Variants in PDE4B observed in about 807,000 individuals in gnomAD.
PDE4B encodes the protein phosphodiesterase 4B, also known as 3',5'-cyclic-AMP phosphodiesterase 4B.
Under a neutral mutation model 82.2 loss-of-function variants are expected in PDE4B, and 20 were observed. The ratio of observed to expected loss-of-function variants is 0.24; its 90% CI spans 0.17 to 0.35. PDE4B has a LOEUF of 0.35. Among genes scored for constraint, PDE4B ranks in the 10% least tolerant of loss-of-function variants. The probability of loss-of-function intolerance (pLI) is 1.00; values close to 1 mark genes in which losing one functional copy is unlikely to be tolerated. For synonymous variants in PDE4B, 320 were observed against 318.9 expected (o/e 1.00, Z -0.04); for missense variants, 655 against 907.2 (o/e 0.72, Z 3.57).
At chr1:66,157,753 C>T (rs147557464) in intron 3 of PDE4B, among the ~76,000 whole-genome samples, 53 of 152,264 alleles carry the variant, frequency 3.5e-4, no homozygotes, top group African/African-American at 1.2e-3. Flanking sequence ...GTATTCCCAA[C>T]ATCTAGAACA....
intron 1 of PDE4B, among the ~76,000 whole-genome samples, chr1:65,836,256 C>G (rs909014762): frequency 2.8e-4 from 42 of 152,134 alleles, no homozygotes; most frequent in African/African-American, 1.0e-3. Context: ...TAGCTCTGCT[C>G]TCTTTAGATG....
chr1:66,199,620 A>G (rs556664983), intron 3 of PDE4B, among the ~76,000 whole-genome samples: 1 of 152,278 alleles, frequency 6.6e-6, no homozygotes, highest in East Asian at 1.9e-4. Flanking sequence ...TTTCAGGTGC[A>G]GAAAATGTGG....
chr1:65,998,232 A>G (rs933432395), intron 3 of PDE4B, among the ~76,000 whole-genome samples: 1 of 152,186 alleles, frequency 6.6e-6, no homozygotes, highest in African/African-American at 2.4e-5. Flanking sequence ...TTACACAGAA[A>G]ATAAACAGCT....
chr1:65,995,368 A>G (rs2503188), intron 3 of PDE4B, among the ~76,000 whole-genome samples: 14,468 of 152,216 alleles, frequency 0.095, 848 homozygotes, highest in Admixed American at 0.18. Flanking sequence ...TAGAAAATAG[A>G]CATGTATCTT....
chr1:66,134,048 A>G (rs1646005760), intron 3 of PDE4B, among the ~76,000 whole-genome samples: 2 of 152,120 alleles, frequency 1.3e-5, no homozygotes. Flanking sequence ...AACTGGAAAA[A>G]AAAAAAAAAG....
At chr1:65,813,904 A>C (rs1570963407) in intron 1 of PDE4B, among the ~76,000 whole-genome samples, 1 of 152,064 alleles carries the variant, frequency 6.6e-6, no homozygotes, top group East Asian at 1.9e-4. Flanking sequence ...AAAAAAAAAA[A>C]AAAAAAAAAC....
chr1:66,225,933 G>A (rs576116448), intron 3 of PDE4B, among the ~76,000 whole-genome samples: 1 of 152,304 alleles, frequency 6.6e-6, no homozygotes, highest in East Asian at 1.9e-4. Flanking sequence ...TATTTCTTCT[G>A]TTGGTGCAAA....
intron 8 of PDE4B, among the ~76,000 whole-genome samples, chr1:66,340,600 T>C (rs775441479): frequency 3.9e-5 from 6 of 152,184 alleles, no homozygotes; most frequent in Non-Finnish European, 7.3e-5. Context: ...AAAATAATTA[T>C]AATTTTTTAA....
intron 7 of PDE4B, among the ~76,000 whole-genome samples, chr1:66,268,026 T>A (rs932951159): frequency 6.6e-6 from 1 of 152,228 alleles, no homozygotes; most frequent in Admixed American, 6.5e-5. Flanking sequence ...GATAGTAAGA[T>A]CAGGTTTTTA....
At chr1:66,001,744 A>G (rs1243711577) in intron 3 of PDE4B, among the ~76,000 whole-genome samples, 1 of 151,986 alleles carries the variant, frequency 6.6e-6, no homozygotes, top group Admixed American at 6.6e-5. Flanking sequence ...TTTTTTTGAC[A>G]TGGAATCTTG....
chr1:65,826,273 T>G (rs534136030), intron 1 of PDE4B, among the ~76,000 whole-genome samples: 28 of 152,196 alleles, frequency 1.8e-4, no homozygotes, highest in Non-Finnish European at 3.7e-4. Flanking sequence ...TCATTGGACT[T>G]AAAGCATAGA....
chr1:66,330,199 T>G (rs1281724497), intron 7 of PDE4B, among the ~76,000 whole-genome samples: 1 of 152,254 alleles, frequency 6.6e-6, no homozygotes, highest in East Asian at 1.9e-4. Context: ...TATTAATTTT[T>G]GCTTAAACAT....
At chr1:66,355,715 T>C in intron 9 of PDE4B, 95 bp downstream of exon 9, 1 of 623,404 alleles carries the variant, frequency 1.6e-6, no homozygotes, top group Admixed American at 2.9e-5. Flanking sequence ...GAATTTGGGA[T>C]GGAGTTGAGT....
At chr1:65,928,152 C>T (rs771706551) in intron 3 of PDE4B, among the ~76,000 whole-genome samples, 2 of 150,424 alleles carry the variant, frequency 1.3e-5, no homozygotes, top group Non-Finnish European at 3.0e-5. Flanking sequence ...ATTCACTGCT[C>T]AAATTGTCGA....
chr1:66,024,123 C>T (rs746423629), intron 3 of PDE4B, among the ~76,000 whole-genome samples: 40 of 152,074 alleles, frequency 2.6e-4, no homozygotes, highest in Non-Finnish European at 4.9e-4. Context: ...ACTGTCCATA[C>T]AAGTATCCTC....
chr1:65,837,415 G>T (rs1646152365), intron 1 of PDE4B, among the ~76,000 whole-genome samples: 1 of 151,926 alleles, frequency 6.6e-6, no homozygotes, highest in Non-Finnish European at 1.5e-5. Flanking sequence ...CTACTAAAGA[G>T]ACAGGGGCAA....
At chr1:66,286,671 C>T (rs1656700354) in intron 7 of PDE4B, among the ~76,000 whole-genome samples, 1 of 152,138 alleles carries the variant, frequency 6.6e-6, no homozygotes. Flanking sequence ...ATTTTGGCAA[C>T]ATAAACATGG....
At chr1:66,279,022 T>C (rs1380041656) in intron 7 of PDE4B, among the ~76,000 whole-genome samples, 2 of 152,152 alleles carry the variant, frequency 1.3e-5, no homozygotes, top group African/African-American at 4.8e-5. Context: ...GTTTAGGCAG[T>C]CTGGCTTTCC....
chr1:66,154,052 C>T (rs1166395948), intron 3 of PDE4B, among the ~76,000 whole-genome samples: 1 of 152,180 alleles, frequency 6.6e-6, no homozygotes, highest in Non-Finnish European at 1.5e-5. Context: ...TCTTTCTTTA[C>T]CTTTTTATCT....
Sources: allele counts gnomAD v4.1 joint callset (sites outside exome capture counted in the v4.1 genomes callset), GRCh38; gene constraint gnomAD v4.1.1; transcripts MANE v1.5; gene names NCBI Gene and HGNC (gene_info 2026-07-23, HGNC 2026-07-21).